Variants in ROBO2 observed in about 807,000 individuals in gnomAD.
ROBO2 encodes the protein roundabout guidance receptor 2.
In ROBO2, 53 loss-of-function variants were observed where a neutral mutation model predicts 160.8. That is an observed-to-expected ratio of 0.33 (90% CI 0.26 to 0.41). The LOEUF is 0.41. Ranked by LOEUF, ROBO2 falls within the 10% of genes least tolerant of loss-of-function variation. The pLI is 1.00. For synonymous variants in ROBO2, 664 were observed against 611.7 expected, an observed-to-expected ratio of 1.09 and a Z score of -1.26; for missense variants, 1,577 against 1,722.4, an observed-to-expected ratio of 0.92 and a Z score of 1.49.
intron 2 of ROBO2, among the ~76,000 whole-genome samples, chr3:77,180,434 A>ATTT (rs71104658): frequency 4.9e-5 from 4 of 81,668 alleles, no homozygotes; most frequent in Non-Finnish European, 8.0e-5. Flanking sequence ...ATATATATGT[A>ATTT]TTTTTTTTTT....
chr3:77,104,489 T>G (rs1579008404), intron 2 of ROBO2, among the ~76,000 whole-genome samples: 1 of 152,306 alleles, frequency 6.6e-6, no homozygotes, highest in African/African-American at 2.4e-5. Context: ...ACATTTGCAT[T>G]ACTCCCACTT....
At chr3:77,382,299 T>A (rs1286027650) in intron 2 of ROBO2, among the ~76,000 whole-genome samples, 1 of 151,472 alleles carries the variant, frequency 6.6e-6, no homozygotes, top group Admixed American at 6.6e-5. Context: ...ACCATTAGAA[T>A]GAGAACATTC....
chr3:75,929,596 C>T (rs1947445873), intron 1 of ROBO2, among the ~76,000 whole-genome samples: 1 of 152,060 alleles, frequency 6.6e-6, no homozygotes, highest in Admixed American at 6.6e-5. Flanking sequence ...TTCTCCCCTT[C>T]TTGCAAATTG....
At chr3:76,801,884 A>G (rs1030798417) in intron 2 of ROBO2, among the ~76,000 whole-genome samples, 1 of 152,076 alleles carries the variant, frequency 6.6e-6, no homozygotes, top group Non-Finnish European at 1.5e-5. Context: ...AGTCCTTTGT[A>G]GGGTTATTAA....
intron 2 of ROBO2, among the ~76,000 whole-genome samples, chr3:76,812,006 G>A (rs1481949445): frequency 6.6e-6 from 1 of 151,572 alleles, no homozygotes; most frequent in Non-Finnish European, 1.5e-5. Flanking sequence ...AAGTAGCTAG[G>A]ACTATAGGTG....
chr3:77,408,900 G>A (rs961220317), intron 2 of ROBO2, among the ~76,000 whole-genome samples: 8 of 151,464 alleles, frequency 5.3e-5, no homozygotes, highest in African/African-American at 1.9e-4. Flanking sequence ...AATTTTTTAA[G>A]TTTTAAAATT....
chr3:76,828,533 G>C (rs776878834), intron 2 of ROBO2, among the ~76,000 whole-genome samples: 8 of 152,066 alleles, frequency 5.3e-5, no homozygotes, highest in Non-Finnish European at 1.2e-4. Context: ...AAAATTACTA[G>C]AGCATAAGCA....
intron 16 of ROBO2, among the ~76,000 whole-genome samples, chr3:77,584,976 A>T (rs1370127569): frequency 6.7e-6 from 1 of 149,828 alleles, no homozygotes; most frequent in Non-Finnish European, 1.5e-5. Context: ...ACACATATAT[A>T]TATATATACT....
intron 2 of ROBO2, among the ~76,000 whole-genome samples, chr3:76,114,539 C>T (rs893502645): frequency 2.6e-5 from 4 of 151,964 alleles, no homozygotes; most frequent in African/African-American, 9.7e-5. Context: ...ATTTCATGTA[C>T]TTTACAGAAG....
chr3:77,125,600 G>T (rs145424251), intron 2 of ROBO2, among the ~76,000 whole-genome samples: 1 of 152,056 alleles, frequency 6.6e-6, no homozygotes. Flanking sequence ...ATTTATGTCC[G>T]CGTGCCTGAT....
intron 2 of ROBO2, among the ~76,000 whole-genome samples, chr3:76,786,997 C>A (rs2063023996): frequency 6.6e-6 from 1 of 151,308 alleles, no homozygotes; most frequent in Non-Finnish European, 1.5e-5. Context: ...GAGAAACAAG[C>A]ACATCTTCAT....
intron 21 of ROBO2, among the ~76,000 whole-genome samples, chr3:77,612,594 A>G (rs956384735): frequency 6.6e-6 from 1 of 152,162 alleles, no homozygotes; most frequent in Non-Finnish European, 1.5e-5. Flanking sequence ...GGGGTAAAGA[A>G]TTTGCTCCTT....
At chr3:76,570,822 A>G (rs1230934240) in intron 2 of ROBO2, among the ~76,000 whole-genome samples, 2 of 152,156 alleles carry the variant, frequency 1.3e-5, no homozygotes, top group Non-Finnish European at 2.9e-5. Context: ...TGCTCCTCAA[A>G]TAAGAAAGAA....
At chr3:76,894,225 G>C (rs1559664632) in intron 2 of ROBO2, among the ~76,000 whole-genome samples, 1 of 152,018 alleles carries the variant, frequency 6.6e-6, no homozygotes, top group Non-Finnish European at 1.5e-5. Context: ...ATTCCATTAG[G>C]TGTTTGCATA....
At position 77,032,732 on chromosome 3, in the gene ROBO2, T is replaced by C. The variant is rs1026531104; in HGVS notation, c.110-65282T>C. On this transcript the variant is annotated intron_variant, in intron 2 of 26. Transcript: ENST00000487694. ...TGTTCTGAGTCTGCTTACACACTCA[T>C]CCTGAAATTCATGCATTTTATCCGA... is the stretch of plus-strand genomic sequence containing the variant. Among the ~76,000 whole-genome samples, 3 of 152,284 alleles carry C rather than the reference T, an allele frequency of 2.0e-5. No homozygotes were observed. In the East Asian group the frequency reaches 5.8e-4, roughly 29 times the overall value.
intron 2 of ROBO2, among the ~76,000 whole-genome samples, chr3:77,368,091 A>T (rs2153474453): frequency 6.6e-6 from 1 of 152,264 alleles, no homozygotes; most frequent in East Asian, 1.9e-4. Context: ...TTTATGAATC[A>T]TGAAACAGTG....
rs547511580 is a variant in ROBO2, at chr3:76,208,191, T to A, written c.109+270589T>A. ...CAATTAGTCCTCTTTTCTTTATAAA[T>A]CACCCAGTCTCAGGTATTTCCTTAT... On this transcript the variant is annotated intron_variant, in intron 2 of 26. Coordinates refer to the ROBO2 transcript ENST00000487694. 2.0e-5 allele frequency among the ~76,000 whole-genome samples: 3 copies of A among 152,204 alleles called. No homozygotes were observed. In the South Asian group the frequency reaches 6.2e-4, roughly 32 times the overall value.
intron 2 of ROBO2, among the ~76,000 whole-genome samples, chr3:77,211,077 G>T (rs907497218): frequency 1.3e-5 from 2 of 152,164 alleles, no homozygotes; most frequent in African/African-American, 4.8e-5. Flanking sequence ...ATAGCAGCAT[G>T]TTTTGTAATC....
intron 2 of ROBO2, among the ~76,000 whole-genome samples, chr3:76,646,263 C>A (rs1323371644): frequency 6.6e-6 from 1 of 152,130 alleles, no homozygotes; most frequent in Non-Finnish European, 1.5e-5. Context: ...GAAAGGATTT[C>A]TTGTCTGTGG....
Sources: gnomAD v4.1 joint callset for allele counts (sites outside exome capture counted in the v4.1 genomes callset) on GRCh38, gnomAD v4.1.1 for gene constraint, MANE v1.5 for transcripts, NCBI Gene and HGNC (gene_info 2026-07-23, HGNC 2026-07-21) for gene names.